Variants in MTUS2 observed in about 807,000 individuals in gnomAD.
The protein encoded by MTUS2 is microtubule-associated tumor suppressor candidate 2.
In MTUS2, 40 loss-of-function variants were observed where a neutral mutation model predicts 114.1. The ratio of observed to expected loss-of-function variants is 0.35; its 90% CI spans 0.27 to 0.46. The LOEUF is 0.46. Ranked by LOEUF, MTUS2 falls within the 20% of genes least tolerant of loss-of-function variation. The pLI is 1.00. For synonymous variants in MTUS2, 688 were observed against 672.0 expected (o/e 1.02, Z -0.37); for missense variants, 1,679 against 1,705.4 (o/e 0.98, Z 0.27).
intron 5 of MTUS2, among the ~76,000 whole-genome samples, chr13:29,195,348 A>G (rs1003596187): frequency 2.6e-5 from 4 of 151,874 alleles, no homozygotes; most frequent in South Asian, 2.1e-4. Context: ...AAAAAATTCT[A>G]TTTCCTAAAT....
At chr13:29,175,005 G>A (rs12868391) in intron 5 of MTUS2, among the ~76,000 whole-genome samples, 22,688 of 152,048 alleles carry the variant, frequency 0.15, 1,864 homozygotes, top group East Asian at 0.31. Flanking sequence ...TAACATGTTC[G>A]TAAATCAAAT....
At chr13:29,331,868 T>G (rs912062842) in intron 7 of MTUS2, among the ~76,000 whole-genome samples, 4 of 152,238 alleles carry the variant, frequency 2.6e-5, no homozygotes, top group African/African-American at 9.6e-5. Context: ...GGTTTATTGA[T>G]TTGCATATGT....
At position 29,314,958 on chromosome 13, in the gene MTUS2, G is replaced by A. The variant is rs906979537; in HGVS notation, c.2807-9655G>A. Among the ~76,000 whole-genome samples, 25 of 152,042 alleles carry A rather than the reference G, an allele frequency of 1.6e-4. 1 individual carries two copies. The highest frequency in any genetic ancestry group is 1.5e-3 in the Admixed American group (23 of 15,256). On this transcript the variant is annotated intron_variant, in intron 6 of 15. Coordinates refer to ENST00000612955, the MANE Select transcript of MTUS2 (RefSeq NM_001033602.4). ...ACAGATGAATGAATAAAGAAAACGT[G>A]GTACATATACACAATGGAATACCAT...
At chr13:29,187,619 G>A (rs568959756) in intron 5 of MTUS2, among the ~76,000 whole-genome samples, 1 of 152,204 alleles carries the variant, frequency 6.6e-6, no homozygotes, top group South Asian at 2.1e-4. Flanking sequence ...TATGGAACAT[G>A]GCAAAATACT....
chr13:28,933,159 ACACAGATT>A (rs1193554627), intron 2 of MTUS2, among the ~76,000 whole-genome samples: 56 of 134,888 alleles, frequency 4.2e-4, no homozygotes, highest in Non-Finnish European at 6.2e-4. Context: ...ACACACACAC[ACACAGATT>A]GATTGATCTG....
intron 2 of MTUS2, among the ~76,000 whole-genome samples, chr13:28,981,921 A>C (rs1470073847): frequency 2.0e-5 from 3 of 152,038 alleles, no homozygotes; most frequent in Non-Finnish European, 4.4e-5. Context: ...TTTCACCTGG[A>C]GGGAATGGGG....
chr13:29,442,613 C>T (rs1877967923), intron 9 of MTUS2, among the ~76,000 whole-genome samples: 1 of 151,866 alleles, frequency 6.6e-6, no homozygotes, highest in African/African-American at 2.4e-5. Context: ...AATGTCAAAA[C>T]TCTGAATCCC....
At position 28,894,124 on chromosome 13, in the gene MTUS2, A is replaced by G. The variant is rs544113969; in HGVS notation, c.-243+54274A>G. 2.6e-5 allele frequency among the ~76,000 whole-genome samples: 4 copies of G among 151,374 alleles called. No individual in the cohort carries two copies. In the South Asian group the frequency reaches 8.4e-4, roughly 32 times the overall value. On this transcript the variant is annotated intron_variant, in intron 2 of 15. Transcript: ENST00000612955. ...ATGGACTGAATTGTGTACCCACTCCACCTTCACCCTACAATTCATATATTG... is the reference window on the plus strand; with the variant it reads ...ATGGACTGAATTGTGTACCCACTCCGCCTTCACCCTACAATTCATATATTG...
chr13:29,232,314 A>ATG (rs1896362036), intron 5 of MTUS2, among the ~76,000 whole-genome samples: 1 of 150,584 alleles, frequency 6.6e-6, no homozygotes, highest in African/African-American at 2.4e-5. Context: ...GCGCACACAC[A>ATG]CACACACACG....
rs781205209 is a variant in MTUS2, at chr13:29,026,192, A to G, written c.1494A>G (p.Glu498=). ...AAAGTGGCCGCTCAGAAGCACGGGA[A>G]AGCAAAGAGGTCACCACATCTGTTG... ...DPQSGRSEAR[E]SKEVTTSVAE... is the part of the protein sequence containing the mutation. The change falls in exon 3 of 16, where the codon GAA becomes GAG. Residue 498 remains glutamate (E), a synonymous_variant. Transcript: ENST00000612955. 1.2e-6 allele frequency: 2 copies of G among 1,613,880 alleles called. No homozygotes were observed. The highest frequency in any genetic ancestry group is 1.7e-5 in the Admixed American group (1 of 60,004).
intron 2 of MTUS2, among the ~76,000 whole-genome samples, chr13:29,013,822 G>A (rs1425764799): frequency 6.6e-6 from 1 of 152,186 alleles, no homozygotes; most frequent in Non-Finnish European, 1.5e-5. Context: ...ATTGCAGGAA[G>A]ACGCAAAGAT....
chr13:29,305,796 C>T (rs983065533), intron 6 of MTUS2, among the ~76,000 whole-genome samples: 2 of 152,150 alleles, frequency 1.3e-5, no homozygotes, highest in African/African-American at 2.4e-5. Context: ...ATGAGGCCAG[C>T]GTTATCCTGA....
chr13:29,356,947 G>A (rs911837108), intron 7 of MTUS2, among the ~76,000 whole-genome samples: 1 of 152,206 alleles, frequency 6.6e-6, no homozygotes, highest in African/African-American at 2.4e-5. Context: ...GATCCCAAAA[G>A]TGGGTGTTGT....
chr13:28,822,103 A>G (rs1873942497), intron 1 of MTUS2, among the ~76,000 whole-genome samples: 1 of 152,216 alleles, frequency 6.6e-6, no homozygotes, highest in Non-Finnish European at 1.5e-5. Flanking sequence ...AACTTTTACT[A>G]TAAACTAGTA....
At chr13:29,171,013 T>A (rs1402878272) in intron 5 of MTUS2, among the ~76,000 whole-genome samples, 1 of 152,128 alleles carries the variant, frequency 6.6e-6, no homozygotes, top group African/African-American at 2.4e-5. Flanking sequence ...TCTTAGAAAT[T>A]TCCTGTACCT....
chr13:28,855,957 C>T (rs1876601197), intron 2 of MTUS2, among the ~76,000 whole-genome samples: 1 of 152,034 alleles, frequency 6.6e-6, no homozygotes. Context: ...CTTTAATAAT[C>T]ACCATTCTGA....
intron 5 of MTUS2, among the ~76,000 whole-genome samples, chr13:29,205,764 A>C (rs1254852126): frequency 1.3e-5 from 2 of 152,230 alleles, no homozygotes. Context: ...GCAGATTAGC[A>C]TTCCATAGTA....
rs369639245 is a variant in MTUS2, at chr13:28,868,295, C to G, written c.-243+28445C>G. On this transcript the variant is annotated intron_variant, in intron 2 of 15. Coordinates refer to ENST00000612955, the MANE Select transcript of MTUS2 (RefSeq NM_001033602.4). ...TATCCATCTGTTTCTTGCCTTGGAACCTTTATTTCTGCAGTGGTTTAGCTC... is the reference window on the plus strand; with the variant it reads ...TATCCATCTGTTTCTTGCCTTGGAAGCTTTATTTCTGCAGTGGTTTAGCTC... Among the ~76,000 whole-genome samples, 328 of 152,276 alleles carry G rather than the reference C, an allele frequency of 2.2e-3. 1 individual carries two copies. Among genetic ancestry groups the G allele is most frequent in the African/African-American group, 7.3e-3 (303 of 41,554 alleles).
At chr13:29,470,184 A>T (rs892363445) in intron 9 of MTUS2, among the ~76,000 whole-genome samples, 3 of 152,174 alleles carry the variant, frequency 2.0e-5, no homozygotes, top group Non-Finnish European at 4.4e-5. Context: ...ACTAGAGTCC[A>T]TCCTGAGGCT....
Sources: gnomAD v4.1 joint callset for allele counts (sites outside exome capture counted in the v4.1 genomes callset) on GRCh38, gnomAD v4.1.1 for gene constraint, MANE v1.5 for transcripts, NCBI Gene and HGNC (gene_info 2026-07-23, HGNC 2026-07-21) for gene names.